The following MCF2L variants were observed in gnomAD, a reference collection of about 807,000 sequenced individuals.
The protein encoded by MCF2L is MCF.2 cell line derived transforming sequence like, also known as guanine nucleotide exchange factor DBS.
MCF2L carries 97 observed loss-of-function variants against 153.4 expected under a neutral mutation model. That is an observed-to-expected ratio of 0.63 (90% CI 0.54 to 0.75). The LOEUF (loss-of-function observed/expected upper bound fraction) is 0.75. Among genes scored for constraint, MCF2L ranks in the 30% least tolerant of loss-of-function variants. The pLI, the probability that MCF2L is intolerant of heterozygous loss-of-function variation, is 0.00. For synonymous variants in MCF2L, 659 were observed against 632.2 expected, an observed-to-expected ratio of 1.04 and a Z score of -0.64; for missense variants, 1,347 against 1,495.2, an observed-to-expected ratio of 0.90 and a Z score of 1.64.
At chr13:113,091,088 C>CT (rs2035165862) in intron 26 of MCF2L, 5 of 1,302,568 alleles carry the variant, frequency 3.8e-6, no homozygotes, top group South Asian at 2.5e-5. Context: ...ACTCTCTCTC[C>CT]GGTTGTATTT....
At chr13:112,982,019 T>G (rs1166112570) in intron 1 of MCF2L, among the ~76,000 whole-genome samples, 1 of 152,158 alleles carries the variant, frequency 6.6e-6, no homozygotes, top group Non-Finnish European at 1.5e-5. Context: ...CAGCTCATGT[T>G]GGACCTGAAG....
intron 3 of MCF2L, among the ~76,000 whole-genome samples, chr13:113,032,800 G>A (rs772378225): frequency 6.6e-5 from 10 of 152,188 alleles, no homozygotes; most frequent in Non-Finnish European, 1.5e-4. Context: ...GAATTCTTGG[G>A]TTCGAGTGAT....
intron 16 of MCF2L, among the ~76,000 whole-genome samples, chr13:113,082,214 G>C (rs958148229): frequency 2.0e-5 from 3 of 152,212 alleles, no homozygotes; most frequent in Non-Finnish European, 2.9e-5. Flanking sequence ...AGGTTAAAAG[G>C]GAGAAGGGTA....
chr13:112,986,545 T>C (rs2082649523), intron 1 of MCF2L, among the ~76,000 whole-genome samples: 1 of 152,322 alleles, frequency 6.6e-6, no homozygotes, highest in South Asian at 2.1e-4. Context: ...TTTAAGACAG[T>C]GGCGGTGCTC....
chr13:113,088,333 A>G lies in MCF2L; in HGVS notation c.2695A>G (p.Thr899Ala). The G allele has an allele frequency of 1.2e-6, 2 of 1,613,734 alleles. No homozygotes were observed. The highest frequency in any genetic ancestry group is 1.7e-6 in the Non-Finnish European group (2 of 1,179,944). ...REEVYIVQAP[T>A]PEIKAAWVNE... The stretch of plus-strand genomic sequence containing the variant: ...GTTTCTTTTGGGGAAACAGGCGCCA[A>G]CTCCTGAGATTAAAGCCGCGTGGGT... The change falls in exon 24 of 30, where the codon ACT becomes GCT. Residue 899 changes from threonine (T) to alanine (A), a missense_variant. This residue lies in a region of MCF2L where 383 missense variants were observed against 335.4 expected (regional missense o/e 1.14). Coordinates refer to ENST00000535094, the MANE Select transcript of MCF2L (RefSeq NM_001112732.3).
At chr13:113,094,244 G>A (rs2035460099) in intron 26 of MCF2L, 2 of 248,440 alleles carry the variant, frequency 8.1e-6, no homozygotes, top group Non-Finnish European at 1.5e-5. Context: ...CAAGGGCGTG[G>A]CTTCCCAGGG....
intron 2 of MCF2L, chr13:112,902,380 C>G (rs780484664): frequency 1.2e-6 from 2 of 1,610,500 alleles, no homozygotes; most frequent in Non-Finnish European, 1.7e-6. Context: ...AGGTAGGCGC[C>G]TGGTGCTGCG....
rs921530092 is a variant in MCF2L at position 112,927,840 on chromosome 13, C to CCAA, written c.169+25482_169+25484dup. Among the ~76,000 whole-genome samples, 6 of 152,198 alleles carry CCAA rather than the reference C, an allele frequency of 3.9e-5. No individual in the cohort carries two copies. In the East Asian group the frequency reaches 7.7e-4, roughly 20 times the overall value. On this transcript the variant is annotated intron_variant, in intron 2 of 29. Transcript: ENST00000375608. ...CTACATGACAAATGACCTGGTTTCTCCAACAACAACAACAAAAATACAAAG... is the reference window on the plus strand; with the variant it reads ...CTACATGACAAATGACCTGGTTTCTCCAACAACAACAACAACAAAAATACAAAG...
chr13:112,995,421 T>C (rs141037362), intron 1 of MCF2L, among the ~76,000 whole-genome samples: 2 of 152,356 alleles, frequency 1.3e-5, no homozygotes, highest in African/African-American at 4.8e-5. Flanking sequence ...GCATCCAGTA[T>C]ACAGTTGTGC....
intron 2 of MCF2L, chr13:112,956,892 C>T (rs1456219183): frequency 6.6e-6 from 1 of 152,188 alleles, no homozygotes; most frequent in Non-Finnish European, 1.5e-5. Flanking sequence ...TTCATCAGCT[C>T]CGAGTAAACC....
intron 2 of MCF2L, among the ~76,000 whole-genome samples, chr13:112,925,117 T>C (rs918313277): frequency 1.3e-5 from 2 of 152,218 alleles, no homozygotes; most frequent in African/African-American, 4.8e-5. Flanking sequence ...AGTAATCCAA[T>C]AGGCATATCC....
Position 113,064,492 on chromosome 13 carries a change from A to G in MCF2L, c.606+72A>G. 4 of 945,800 alleles carry G rather than the reference A, an allele frequency of 4.2e-6. No homozygotes were observed. The highest frequency in any genetic ancestry group is 6.8e-6 in the Non-Finnish European group (4 of 589,794). 58.6% of individuals were successfully genotyped at this position (945,800 alleles called of 1,614,324 possible). ...ACTTCCACAGAATCGCTCTTGCATT[A>G]CAACACGGCCCTTTCCAAAAACACA... On this transcript the variant is annotated intron_variant, in intron 6 of 29. Coordinates refer to ENST00000535094, the MANE Select transcript of MCF2L (RefSeq NM_001112732.3). This position sits in a 1 kb window ranked among gnomAD's most constrained non-coding sequence, Gnocchi z 6.0.
upstream of MCF2L, among the ~76,000 whole-genome samples, chr13:112,968,149 G>GGGT (rs1555355490): frequency 1.1e-3 from 164 of 146,248 alleles, 15 homozygotes; most frequent in Non-Finnish European, 1.9e-3. Flanking sequence ...AGGTGGGGGG[G>GGGT]GGGGTCTTGC....
At chr13:113,090,022 T>C in intron 26 of MCF2L, 1 of 1,599,610 alleles carries the variant, frequency 6.3e-7, no homozygotes, top group Non-Finnish European at 8.5e-7. Flanking sequence ...CGCCTCCGCA[T>C]CGGGTTGCGA....
intron 2 of MCF2L, among the ~76,000 whole-genome samples, chr13:112,949,348 A>T (rs917403734): frequency 2.6e-5 from 4 of 152,240 alleles, no homozygotes; most frequent in African/African-American, 9.6e-5. Context: ...TCTTTTCCAA[A>T]AAATAGAGGA....
chr13:112,899,291 G>A (rs150644184), intron 1 of MCF2L, among the ~76,000 whole-genome samples: 4 of 152,184 alleles, frequency 2.6e-5, no homozygotes, highest in East Asian at 1.9e-4. Flanking sequence ...CCTGGCTCTC[G>A]GTCCAGCCTT....
intron 26 of MCF2L, among the ~76,000 whole-genome samples, chr13:113,092,526 A>G (rs1265119571): frequency 6.6e-6 from 1 of 152,220 alleles, no homozygotes; most frequent in Non-Finnish European, 1.5e-5. Context: ...GGTTGGTGGT[A>G]GTGAGCCCAG....
chr13:112,905,384 G>A lies in MCF2L; in HGVS notation c.169+3013G>A, dbSNP rs138203502. Among the ~76,000 whole-genome samples the A allele has an allele frequency of 2.8e-3, 433 of 152,304 alleles. 1 individual carries two copies. Among genetic ancestry groups the A allele is most frequent in the Non-Finnish European group, 4.9e-3 (331 of 68,038 alleles). ...GGGAAGAGCAGTTTCAGAACTAAAG[G>A]CACCAAATAAGGAATAGATGTGGGT... On this transcript the variant is annotated intron_variant, in intron 2 of 29. Coordinates refer to the MCF2L transcript ENST00000375608.
intron 2 of MCF2L, among the ~76,000 whole-genome samples, chr13:112,905,916 A>G (rs2081168138): frequency 6.6e-6 from 1 of 152,202 alleles, no homozygotes; most frequent in African/African-American, 2.4e-5. Flanking sequence ...GAATTGCCGC[A>G]TCATGCAAGT....
Sources: allele counts gnomAD v4.1 joint callset (sites outside exome capture counted in the v4.1 genomes callset), GRCh38; gene constraint gnomAD v4.1.1; regional missense constraint gnomAD v4.1.1; non-coding constraint Gnocchi (gnomAD v3.1); transcripts MANE v1.5; gene names NCBI Gene and HGNC (gene_info 2026-07-23, HGNC 2026-07-21).